Variants in MRPL52 observed in about 807,000 individuals in gnomAD.
The protein encoded by MRPL52 is mitochondrial ribosomal protein L52.
Under a neutral mutation model 22.1 loss-of-function variants are expected in MRPL52, and 19 were observed. The ratio of observed to expected loss-of-function variants is 0.86; its 90% CI spans 0.60 to 1.26. The LOEUF is 1.26. Ranked by LOEUF, MRPL52 falls within the 50% of genes most tolerant of loss-of-function variation. MRPL52 has a pLI of 0.00. For missense variants in MRPL52, 152 were observed against 148.1 expected, an observed-to-expected ratio of 1.03 and a Z score of -0.14; for synonymous variants, 50 against 57.5, an observed-to-expected ratio of 0.87 and a Z score of 0.59.
intron 4 of MRPL52, among the ~76,000 whole-genome samples, 164 bp downstream of exon 4, chr14:22,833,646 C>A (rs923304374): frequency 6.6e-6 from 1 of 151,972 alleles, no homozygotes; most frequent in African/African-American, 2.4e-5. Flanking sequence ...TTTTGTGAGA[C>A]GGAGTTTCGC....
In MRPL52 at chr14:22,834,326, C is replaced by T. The variant is rs1423530412; in HGVS notation, c.*5C>T. ...AGCCCACTTCCAAGTCAATAAAAAG[C>T]AACTCCTGCCTCCCTTCCTCACCCT... On this transcript the variant is annotated 3_prime_UTR_variant, in exon 5 of 5. Coordinates refer to ENST00000397496, the MANE Select transcript of MRPL52 (RefSeq NM_180982.3). The T allele has an allele frequency of 6.2e-7, 1 of 1,607,564 alleles. No individual in the cohort carries two copies. Among genetic ancestry groups the T allele is most frequent in the South Asian group, 1.1e-5 (1 of 90,090 alleles).
Position 22,834,628 on chromosome 14 carries a change from T to C in MRPL52, c.*307T>C. 4.5e-6 allele frequency: 1 copy of C among 223,030 alleles called. No homozygotes were observed. Among genetic ancestry groups the C allele is most frequent in the Non-Finnish European group, 9.0e-6 (1 of 111,278 alleles). The allele number at this position is 223,030 out of a possible 1,614,324, so 13.8% of individuals were successfully genotyped here. A position where few individuals can be genotyped will look rare whatever the true frequency, so the allele number is the denominator to read the frequency against. ...GGCGGGCAGATCACAAGATCAGGAG[T>C]TCGAGACCAGCCTGGCCAACCCAGC... On this transcript the variant is annotated 3_prime_UTR_variant, in exon 5 of 5. Coordinates refer to ENST00000397496, the MANE Select transcript of MRPL52 (RefSeq NM_180982.3).
At chr14:22,831,125 T>TTTTTTG in intron 3 of MRPL52, 1 of 611,464 alleles carries the variant, frequency 1.6e-6, no homozygotes, top group Non-Finnish European at 2.6e-6. Context: ...TTTTTTTTTT[T>TTTTTTG]TTTTTGAGAT....
chr14:22,831,016 T>A, intron 3 of MRPL52: 2 of 1,534,002 alleles, frequency 1.3e-6, no homozygotes, highest in Non-Finnish European at 1.7e-6. Context: ...ATGGTGAAGA[T>A]TTTTTCTACT....
At chr14:22,831,719 TCAG>T (rs2039623934) in intron 3 of MRPL52, 1 of 152,268 alleles carries the variant, frequency 6.6e-6, no homozygotes, top group Non-Finnish European at 1.5e-5. Flanking sequence ...TTTCAGCAAG[TCAG>T]CAGGTATTTA....
In MRPL52 at chr14:22,834,311, C is replaced by G; in HGVS notation, c.359C>G (p.Pro120Arg). The change falls in exon 5 of 5, where the codon CCA (proline) becomes CGA (arginine). Residue 120 changes from proline (P) to arginine (R), a missense_variant. Physicochemically the swap from Pro to Arg is moderately radical, Grantham distance 103. Coordinates refer to ENST00000397496, the MANE Select transcript of MRPL52 (RefSeq NM_180982.3). Reference protein sequence around the residue: ...PKGASLKSPLPSQ With the variant: ...PKGASLKSPLRSQ ...GGGGCTTCACTGAAGAGCCCACTTC[C>G]AAGTCAATAAAAAGCAACTCCTGCC... is the stretch of plus-strand genomic sequence containing the variant. The G allele has an allele frequency of 6.2e-7, 1 of 1,610,336 alleles. No individual in the cohort carries two copies. The highest frequency in any genetic ancestry group is 8.5e-7 in the Non-Finnish European group (1 of 1,178,782).
intron 3 of MRPL52, chr14:22,831,091 A>C: frequency 1.7e-6 from 1 of 586,094 alleles, no homozygotes; most frequent in Admixed American, 2.9e-5. Context: ...AAGACTCTGG[A>C]ATTACATATG....
Position 22,834,346 on chromosome 14 carries a change from CA to C in MRPL52, c.*26del. 6.3e-7 allele frequency: 1 copy of C among 1,594,456 alleles called. No individual in the cohort carries two copies. ...AAAAGCAACTCCTGCCTCCCTTCCT[CA>C]CCCTGTCTCTGGATTTCTTTTCTAT... On this transcript the variant is annotated 3_prime_UTR_variant, in exon 5 of 5. Transcript: ENST00000397496.
In MRPL52 at chr14:22,834,377, T is replaced by C; in HGVS notation, c.*56T>C. The C allele has an allele frequency of 1.3e-6, 2 of 1,539,096 alleles. No homozygotes were observed. The highest frequency in any genetic ancestry group is 1.7e-6 in the Non-Finnish European group (2 of 1,143,058). ...GTCTCTGGATTTCTTTTCTATCACCTAGATGCTTCATCCAGCCAGAAGATA... is the reference window on the plus strand; with the variant it reads ...GTCTCTGGATTTCTTTTCTATCACCCAGATGCTTCATCCAGCCAGAAGATA... On this transcript the variant is annotated 3_prime_UTR_variant, in exon 5 of 5. Transcript: ENST00000397496.
At chr14:22,833,225 A>G (rs2039662219) in intron 3 of MRPL52, 193 bp from the exon 4 acceptor site, 1 of 570,906 alleles carries the variant, frequency 1.8e-6, no homozygotes, top group South Asian at 2.2e-5. Flanking sequence ...TAATATGTCT[A>G]GGAGCTTATT....
rs541057451 is a variant in MRPL52 at position 22,832,317 on chromosome 14, T to A, written c.155-1101T>A. Among the ~76,000 whole-genome samples the A allele has an allele frequency of 1.1e-4, 16 of 152,098 alleles. No individual in the cohort carries two copies. The South Asian group carries it at 3.1e-3, about 30-fold the overall frequency. ...GGTACATAGAACAACAGTGATCACA[T>A]TGCTTAAGAGTTTCTGGTTTTTTTT... On this transcript the variant is annotated intron_variant, in intron 3 of 4. Transcript: ENST00000397496.
At chr14:22,830,329 G>C in intron 3 of MRPL52, 75 bp downstream of exon 3, 1 of 1,497,848 alleles carries the variant, frequency 6.7e-7, no homozygotes, top group African/African-American at 1.4e-5. Context: ...CGGGGAGCTG[G>C]GGGTATCAAG....
chr14:22,832,075 A>T (rs1346059797), intron 3 of MRPL52: 1 of 152,222 alleles, frequency 6.6e-6, no homozygotes, highest in Non-Finnish European at 1.5e-5. Flanking sequence ...GCTAAATAAC[A>T]CTTAAAAAAA....
chr14:22,830,206 C>T lies in MRPL52; in HGVS notation c.106C>T (p.Pro36Ser), dbSNP rs150121182. 5.2e-5 allele frequency: 84 copies of T among 1,614,116 alleles called. No individual in the cohort carries two copies. Among genetic ancestry groups the T allele is most frequent in the Non-Finnish European group, 7.0e-5 (83 of 1,180,042 alleles). The change falls in exon 3 of 5, where the codon CCC becomes TCC. Residue 36 changes from proline (P) to serine (S), a missense_variant. Coordinates refer to ENST00000397496, the MANE Select transcript of MRPL52 (RefSeq NM_180982.3). The stretch of plus-strand genomic sequence containing the variant: ...ACACAGGCAGGGACTGGCTGCCAAC[C>T]CCTCCGGCTACGGGCCCCTTACCGA... ...WRLQQGLAAN[P>S]SGYGPLTELP... is the part of the protein sequence containing the mutation.
At chr14:22,833,004 C>T (rs1015197745) in intron 3 of MRPL52, among the ~76,000 whole-genome samples, 2 of 151,968 alleles carry the variant, frequency 1.3e-5, no homozygotes, top group Non-Finnish European at 1.5e-5. Context: ...TTGGTGAAAT[C>T]CCGTCTCTAC....
chr14:22,834,496 C>T lies in MRPL52; in HGVS notation c.*175C>T. On this transcript the variant is annotated 3_prime_UTR_variant, in exon 5 of 5. Coordinates refer to ENST00000397496, the MANE Select transcript of MRPL52 (RefSeq NM_180982.3). ...TGCCTGGGAGGCTTGGCTTAGTACT[C>T]TCATCTCTGGTTCCATTCCAGTTCA... 1.4e-6 allele frequency: 1 copy of T among 697,616 alleles called. No individual in the cohort carries two copies. The highest frequency in any genetic ancestry group is 2.3e-6 in the Non-Finnish European group (1 of 430,236). 43.2% of individuals were successfully genotyped at this position (697,616 alleles called of 1,614,324 possible). A position where few individuals can be genotyped will look rare whatever the true frequency, so the allele number is the denominator to read the frequency against.
chr14:22,832,485 C>T (rs150371385), intron 3 of MRPL52, among the ~76,000 whole-genome samples: 6,757 of 151,932 alleles, frequency 0.044, 213 homozygotes, highest in Non-Finnish European at 0.07. Flanking sequence ...AGACTACAGG[C>T]GCCCACCACC....
chr14:22,834,905 A>T lies in MRPL52; in HGVS notation c.*584A>T, dbSNP rs972833229. On this transcript the variant is annotated 3_prime_UTR_variant, in exon 5 of 5. Transcript: ENST00000397496. ...CCATAGGACTAGCCCAACTATGAGA[A>T]ATAGCTGTTCTGTGAACGTGAAAAG... The T allele has an allele frequency of 8.5e-5, 13 of 152,306 alleles. No individual in the cohort carries two copies. The highest frequency in any genetic ancestry group is 3.1e-4 in the African/African-American group (13 of 41,440). The allele number at this position is 152,306 out of a possible 1,614,324, so 9.4% of individuals were successfully genotyped here. A position where few individuals can be genotyped will look rare whatever the true frequency, so the allele number is the denominator to read the frequency against.
chr14:22,830,618 G>C (rs1188106976), intron 3 of MRPL52: 1 of 390,664 alleles, frequency 2.6e-6, no homozygotes. Context: ...ACCAAATGCA[G>C]GGAGAGCTCT....
Sources: allele counts gnomAD v4.1 joint callset (sites outside exome capture counted in the v4.1 genomes callset), GRCh38; gene constraint gnomAD v4.1.1; transcripts MANE v1.5; gene names NCBI Gene and HGNC (gene_info 2026-07-23, HGNC 2026-07-21).